SH3BP2: variants seen among roughly 807,000 people sequenced by gnomAD.
The protein encoded by SH3BP2 is SH3 domain-binding protein 2.
Under a neutral mutation model 56.2 loss-of-function variants are expected in SH3BP2, and 38 were observed. The observed-to-expected ratio is 0.68, with a 90% CI of 0.52 to 0.89. SH3BP2 has a LOEUF of 0.89. SH3BP2 is among the 40% of genes least tolerant of loss of function. The probability of loss-of-function intolerance (pLI) is 0.00; values close to 1 mark genes in which losing one functional copy is unlikely to be tolerated. For missense variants in SH3BP2, 748 were observed against 762.6 expected, an observed-to-expected ratio of 0.98 and a Z score of 0.23; for synonymous variants, 346 against 316.7, an observed-to-expected ratio of 1.09 and a Z score of -0.98.
chr4:2,799,109 G>T (rs1046997517), intron 1 of SH3BP2: 1 of 985,592 alleles, frequency 1.0e-6, no homozygotes, highest in Non-Finnish European at 1.2e-6. Flanking sequence ...ACCCGTACCC[G>T]CCCTGCCTCA....
At chr4:2,793,997 C>T (rs1286733974) in intron 1 of SH3BP2, among the ~76,000 whole-genome samples, 1 of 152,230 alleles carries the variant, frequency 6.6e-6, no homozygotes, top group African/African-American at 2.4e-5. Flanking sequence ...CTCCTATCCC[C>T]TCTCTGTGCC....
Position 2,832,413 on chromosome 4 carries a change from G to T in SH3BP2, c.1488+1G>T. On this transcript the variant is annotated splice_donor_variant, in intron 11 of 12. Transcript: ENST00000503393. LOFTEE classifies it high-confidence loss of function. ...GAACTCCTCTACCAAGTCGGGGAAG[G>T]TAGGCGCCAGGGGAAGATGCCCCAG... 1.9e-6 allele frequency: 3 copies of T among 1,613,704 alleles called. No homozygotes were observed. Among genetic ancestry groups the T allele is most frequent in the Non-Finnish European group, 1.7e-6 (2 of 1,179,674 alleles).
At chr4:2,823,502 A>G (rs1205344397) in intron 3 of SH3BP2, 2 of 456,950 alleles carry the variant, frequency 4.4e-6, no homozygotes, top group Middle Eastern at 3.2e-4. Flanking sequence ...AGCTTCACGC[A>G]TGTCCTGGGC....
At chr4:2,825,796 C>G (rs868432997) in intron 5 of SH3BP2, among the ~76,000 whole-genome samples, 23 of 152,374 alleles carry the variant, frequency 1.5e-4, no homozygotes, top group African/African-American at 5.0e-4. Context: ...TACGCCCACC[C>G]TGGCTCACTC....
intron 1 of SH3BP2, among the ~76,000 whole-genome samples, chr4:2,806,302 A>G (rs933621938): frequency 6.6e-5 from 10 of 152,094 alleles, no homozygotes; most frequent in African/African-American, 2.4e-4. Context: ...GGGACAGTGA[A>G]ACCCTTCAGG....
chr4:2,839,447 C>G lies in SH3BP2; in HGVS notation c.*5613C>G, dbSNP rs886059384. 2.2e-4 allele frequency: 34 copies of G among 152,134 alleles called. No individual in the cohort carries two copies. The highest frequency in any genetic ancestry group is 6.8e-4 in the African/African-American group (28 of 41,436). The allele number at this position is 152,134 out of a possible 1,614,324, so 9.4% of individuals were successfully genotyped here. On this transcript the variant is annotated 3_prime_UTR_variant, in exon 13 of 13. Coordinates refer to ENST00000503393, the MANE Select transcript of SH3BP2 (RefSeq NM_001122681.2). ...AGCCTCCCAAAGTTGGGATTATAGG[C>G]GTGAGCTACCAGATTTTTTCTTATT...
intron 11 of SH3BP2, 57 bp from the exon 12 acceptor site, chr4:2,832,933 C>T (rs556688969): frequency 2.0e-5 from 31 of 1,553,308 alleles, no homozygotes; most frequent in Non-Finnish European, 2.5e-5. Context: ...CATGGTCTCC[C>T]GAGGCTGGTC....
At position 2,829,750 on chromosome 4, in the gene SH3BP2, C is replaced by A. The variant is rs1487267424; in HGVS notation, c.844C>A (p.Leu282Met). ...CCCCCGAAGGATGAGCGATCCCCCT[C>A]TGAGCACCATGCCCACCGCACCCGG... ...ATPRRMSDPPLSTMPTAPGLR... is the reference protein window; with the variant it reads ...ATPRRMSDPPMSTMPTAPGLR... Residue 282 changes from leucine (L) to methionine (M), a missense_variant, in exon 8 of 13, where the codon CTG (leucine) becomes ATG (methionine). This residue lies in a region of SH3BP2 where 635 missense variants were observed against 615.0 expected (regional missense o/e 1.03). Transcript: ENST00000503393. This position sits in a 1 kb window ranked among gnomAD's most constrained non-coding sequence, Gnocchi z 4.9. The A allele has an allele frequency of 6.2e-7, 1 of 1,612,992 alleles. No homozygotes were observed. Among genetic ancestry groups the A allele is most frequent in the Non-Finnish European group, 8.5e-7 (1 of 1,179,932 alleles).
In SH3BP2 at chr4:2,823,005, GC is replaced by G; in HGVS notation, c.208del (p.Gln70ArgfsTer6). 6.2e-7 allele frequency: 1 copy of G among 1,613,960 alleles called. No individual in the cohort carries two copies. The highest frequency in any genetic ancestry group is 8.5e-7 in the Non-Finnish European group (1 of 1,179,910). On this transcript the variant is annotated frameshift_variant, in exon 3 of 13. Coordinates refer to ENST00000503393, the MANE Select transcript of SH3BP2 (RefSeq NM_001122681.2). LOFTEE classifies it high-confidence loss of function. ...YFKSSTSASP[Q>X]GAFSLSGYNR... ...TCAAGAGTAGCACCTCTGCCTCCCC[GC>G]AGGGCGCCTTCTCCCTGAGTGGCTA...
chr4:2,833,431 G>C (rs183521914), intron 12 of SH3BP2: 11 of 591,104 alleles, frequency 1.9e-5, no homozygotes, highest in Admixed American at 2.9e-5. Context: ...GGGCCACCGT[G>C]CCTGGCCTAG....
chr4:2,833,388 C>G (rs1725104104), intron 12 of SH3BP2: 2 of 571,926 alleles, frequency 3.5e-6, no homozygotes, highest in Admixed American at 6.1e-5. Flanking sequence ...ATCCTCCCAC[C>G]TCGGCCTCCC....
chr4:2,818,285 A>AGGC lies in SH3BP2; in HGVS notation c.-4-2319_-4-2317dup, dbSNP rs1471815918. 7.7e-6 allele frequency: 8 copies of AGGC among 1,037,174 alleles called. No homozygotes were observed. The South Asian group carries it at 1.8e-4, about 23-fold the overall frequency. The allele number at this position is 1,037,174 out of a possible 1,614,324, so 64.2% of individuals were successfully genotyped here. On this transcript the variant is annotated intron_variant, in intron 1 of 12. Transcript: ENST00000503393. The stretch of plus-strand genomic sequence containing the variant: ...CGGCGGGAGGCGGGCGCCCGGGACG[A>AGGC]GGCGGCGGCGGCCGGGGGACGCGGC...
At chr4:2,818,345 C>T (rs1043943737) in intron 1 of SH3BP2, 12 of 1,176,414 alleles carry the variant, frequency 1.0e-5, no homozygotes, top group African/African-American at 4.8e-5. Context: ...GGGAGGCGGG[C>T]GTGGATCGCC....
chr4:2,814,005 A>G (rs1371883074), intron 1 of SH3BP2, among the ~76,000 whole-genome samples: 1 of 152,148 alleles, frequency 6.6e-6, no homozygotes, highest in African/African-American at 2.4e-5. Flanking sequence ...CAACCTGATC[A>G]CCACTAACAG....
At chr4:2,808,183 G>C (rs887371070) in intron 1 of SH3BP2, among the ~76,000 whole-genome samples, 1 of 152,190 alleles carries the variant, frequency 6.6e-6, no homozygotes. Flanking sequence ...GGTGGCTCTG[G>C]GGAAGCCCCT....
rs745307243 is a variant in SH3BP2, at chr4:2,836,065, C to G, written c.*2231C>G. ...CTTACACGGTCACCTGGAGCCGGCTCAAGTGGCTAAAGCATCCTGGGGCCC... is the reference window on the plus strand; with the variant it reads ...CTTACACGGTCACCTGGAGCCGGCTGAAGTGGCTAAAGCATCCTGGGGCCC... On this transcript the variant is annotated 3_prime_UTR_variant, in exon 13 of 13. Transcript: ENST00000503393. 3 of 152,254 alleles carry G rather than the reference C, an allele frequency of 2.0e-5. No individual in the cohort carries two copies. Among genetic ancestry groups the G allele is most frequent in the Non-Finnish European group, 4.4e-5 (3 of 68,080 alleles). 9.4% of individuals were successfully genotyped at this position (152,254 alleles called of 1,614,324 possible).
intron 1 of SH3BP2, among the ~76,000 whole-genome samples, chr4:2,806,300 G>A (rs1242997560): frequency 1.3e-5 from 2 of 152,174 alleles, no homozygotes; most frequent in African/African-American, 2.4e-5. Flanking sequence ...GAGGGACAGT[G>A]AAACCCTTCA....
intron 1 of SH3BP2, chr4:2,798,936 T>C (rs1009617286): frequency 2.2e-5 from 21 of 957,772 alleles, no homozygotes; most frequent in Non-Finnish European, 2.6e-5. Flanking sequence ...AGGGTGAGGG[T>C]GTGCCCATCC....
At chr4:2,807,591 T>C (rs1351297462) in intron 1 of SH3BP2, among the ~76,000 whole-genome samples, 1 of 152,106 alleles carries the variant, frequency 6.6e-6, no homozygotes, top group Non-Finnish European at 1.5e-5. Context: ...TTGGTTTCCA[T>C]GTGGAGGTGA....
Sources: gnomAD v4.1 joint callset for allele counts (sites outside exome capture counted in the v4.1 genomes callset) on GRCh38, gnomAD v4.1.1 for gene constraint, gnomAD v4.1.1 regional missense constraint, Gnocchi (gnomAD v3.1) non-coding constraint, MANE v1.5 for transcripts, NCBI Gene and HGNC (gene_info 2026-07-23, HGNC 2026-07-21) for gene names.